CUL1: variants seen among roughly 807,000 people sequenced by gnomAD.
CUL1 encodes the protein cullin-1.
CUL1 carries 24 observed loss-of-function variants against 118.0 expected under a neutral mutation model. That is an observed-to-expected ratio of 0.20 (90% CI 0.15 to 0.29). The LOEUF is 0.29. Among genes scored for constraint, CUL1 ranks in the 10% least tolerant of loss-of-function variants. The pLI, the probability that CUL1 is intolerant of heterozygous loss-of-function variation, is 1.00. For synonymous variants in CUL1, 332 were observed against 340.4 expected (o/e 0.98, Z 0.27); for missense variants, 361 against 933.8 (o/e 0.39, Z 7.99).
chr7:148,783,344 G>A (rs568171428), intron 9 of CUL1: 2 of 985,426 alleles, frequency 2.0e-6, no homozygotes, highest in East Asian at 1.1e-4. Context: ...TCAGACTCCC[G>A]CCCTGAGCCC....
At chr7:148,797,663 C>A in intron 17 of CUL1, 149 bp from the exon 18 acceptor site, 2 of 635,384 alleles carry the variant, frequency 3.1e-6, no homozygotes, top group South Asian at 2.1e-5. Flanking sequence ...TAAGAAGTAC[C>A]AACTTTTTTT....
intron 1 of CUL1, among the ~76,000 whole-genome samples, chr7:148,701,628 C>T (rs1797723605): frequency 6.6e-6 from 1 of 152,056 alleles, no homozygotes; most frequent in Admixed American, 6.6e-5. Flanking sequence ...TGAGGCAAGC[C>T]CCATGGTTCT....
rs910618602 is a variant in CUL1 at position 148,797,990 on chromosome 7, C to G, written c.2001C>G (p.Thr667=). ...ATGAGGTGGAATTGAAGCCAGATACCTTAATAAAATTATATCTTGGTTATA... is the reference window on the plus strand; with the variant it reads ...ATGAGGTGGAATTGAAGCCAGATACGTTAATAAAATTATATCTTGGTTATA... ...NVDEVELKPD[T]LIKLYLGYKN... Residue 667 remains threonine, a synonymous_variant, in exon 19 of 22, where the codon ACC becomes ACG. Transcript: ENST00000325222. 2 of 1,609,342 alleles carry G rather than the reference C, an allele frequency of 1.2e-6. No homozygotes were observed. The highest frequency in any genetic ancestry group is 1.7e-6 in the Non-Finnish European group (2 of 1,176,596).
intron 9 of CUL1, among the ~76,000 whole-genome samples, chr7:148,770,747 G>C (rs1453341519): frequency 6.6e-6 from 1 of 152,170 alleles, no homozygotes; most frequent in Non-Finnish European, 1.5e-5. Flanking sequence ...CTGGCACACA[G>C]TAGGTGCTTG....
upstream of CUL1, chr7:148,698,864 G>T: frequency 6.4e-6 from 1 of 155,256 alleles, no homozygotes; most frequent in South Asian, 1.8e-4. Context: ...GGCGGGCAGG[G>T]GAGGAGGAGG....
intron 1 of CUL1, among the ~76,000 whole-genome samples, chr7:148,709,197 CA>C (rs776927341): frequency 5.4e-4 from 82 of 152,306 alleles, no homozygotes; most frequent in Admixed American, 3.5e-3. Flanking sequence ...GCCAAAAATG[CA>C]GAGGAGGATT....
At chr7:148,747,349 C>T (rs1799337750) in intron 2 of CUL1, among the ~76,000 whole-genome samples, 1 of 152,138 alleles carries the variant, frequency 6.6e-6, no homozygotes, top group Non-Finnish European at 1.5e-5. Context: ...AAGTGTAATG[C>T]TCTGCACAAA....
At chr7:148,731,959 C>T (rs1226620098) in intron 2 of CUL1, among the ~76,000 whole-genome samples, 1 of 152,192 alleles carries the variant, frequency 6.6e-6, no homozygotes, top group African/African-American at 2.4e-5. Context: ...TTGACTGTTA[C>T]TAATACCACT....
intron 1 of CUL1, among the ~76,000 whole-genome samples, chr7:148,703,486 A>G (rs1413413194): frequency 3.3e-5 from 5 of 152,306 alleles, no homozygotes; most frequent in Admixed American, 3.3e-4. Flanking sequence ...GCAGCCATTT[A>G]AAATATGTAT....
At chr7:148,797,889 GA>G (rs778130085) in intron 18 of CUL1, 30 bp downstream of exon 18, 1 of 1,610,410 alleles carries the variant, frequency 6.2e-7, no homozygotes, top group Admixed American at 1.7e-5. Context: ...TCTTACACTA[GA>G]AGAAGCCTTT....
chr7:148,740,113 C>T (rs243502), intron 2 of CUL1, among the ~76,000 whole-genome samples: 47,271 of 150,844 alleles, frequency 0.31, 8,123 homozygotes, highest in South Asian at 0.48. Context: ...AGTGCAATGG[C>T]GCAACCTTGG....
At chr7:148,781,746 G>A (rs996746657) in intron 9 of CUL1, among the ~76,000 whole-genome samples, 2 of 152,212 alleles carry the variant, frequency 1.3e-5, no homozygotes, top group Admixed American at 6.5e-5. Flanking sequence ...GGGTGAAGGC[G>A]TGTGGCAGGG....
rs943930580 is a variant in CUL1 at position 148,699,308 on chromosome 7, A to G, written c.-162+279A>G. 1.9e-4 allele frequency among the ~76,000 whole-genome samples: 29 copies of G among 151,416 alleles called. No individual in the cohort carries two copies. The East Asian group carries it at 5.7e-3, about 30-fold the overall frequency. On this transcript the variant is annotated intron_variant, in intron 1 of 21. Transcript: ENST00000325222. Reference sequence around the variant, plus strand: ...CCAGGCCTGGACTACGCACTGGGAAAAAGCACGATTCATCGCGCCTGGAGG... The same window carrying G: ...CCAGGCCTGGACTACGCACTGGGAAGAAGCACGATTCATCGCGCCTGGAGG...
chr7:148,784,115 T>TA (rs1413391773), intron 11 of CUL1, 38 bp downstream of exon 11: 1 of 1,493,346 alleles, frequency 6.7e-7, no homozygotes, highest in Non-Finnish European at 9.3e-7. Flanking sequence ...TATGCCTGTT[T>TA]AAAATCTCAG....
intron 9 of CUL1, among the ~76,000 whole-genome samples, chr7:148,774,602 A>C (rs1341861342): frequency 6.6e-6 from 1 of 152,222 alleles, no homozygotes; most frequent in Admixed American, 6.5e-5. Context: ...ATCAGGCTAT[A>C]AGAGAATATC....
At chr7:148,730,413 C>A in intron 2 of CUL1, 151 bp downstream of exon 2, 1 of 901,828 alleles carries the variant, frequency 1.1e-6, no homozygotes, top group South Asian at 2.0e-5. Flanking sequence ...AGTTTTTGAA[C>A]AGAGTAGAAC....
chr7:148,736,937 A>G lies in CUL1; in HGVS notation c.140+6675A>G, dbSNP rs542400228. ...ATATGGAAAGGAACTGTCCCTTATAAGGTGGTGGACTTCTATATGAGTTTT... is the reference window on the plus strand; with the variant it reads ...ATATGGAAAGGAACTGTCCCTTATAGGGTGGTGGACTTCTATATGAGTTTT... On this transcript the variant is annotated intron_variant, in intron 2 of 21. Coordinates refer to ENST00000325222, the MANE Select transcript of CUL1 (RefSeq NM_003592.3). Among the ~76,000 whole-genome samples, 3 of 152,350 alleles carry G rather than the reference A, an allele frequency of 2.0e-5. No individual in the cohort carries two copies. In the East Asian group the frequency reaches 5.8e-4, roughly 29 times the overall value.
intron 1 of CUL1, among the ~76,000 whole-genome samples, chr7:148,717,525 C>T (rs1798252994): frequency 6.6e-6 from 1 of 151,844 alleles, no homozygotes; most frequent in African/African-American, 2.4e-5. Context: ...GTGTCTTGGG[C>T]CTCTCTCTTT....
chr7:148,783,347 C>G, intron 9 of CUL1: 1 of 985,344 alleles, frequency 1.0e-6, no homozygotes, highest in Non-Finnish European at 1.2e-6. Context: ...GACTCCCGCC[C>G]TGAGCCCCGC....
Sources: gnomAD v4.1 joint callset for allele counts (sites outside exome capture counted in the v4.1 genomes callset) on GRCh38, gnomAD v4.1.1 for gene constraint, MANE v1.5 for transcripts, NCBI Gene and HGNC (gene_info 2026-07-23, HGNC 2026-07-21) for gene names.